Variants in EMC7 observed in about 807,000 individuals in gnomAD.
The protein encoded by EMC7 is ER membrane protein complex subunit 7.
EMC7 carries 4 observed loss-of-function variants against 24.4 expected under a neutral mutation model. The observed-to-expected ratio is 0.16, with a 90% CI of 0.08 to 0.38. The LOEUF is 0.38. Among genes scored for constraint, EMC7 ranks in the 10% least tolerant of loss-of-function variants. The pLI is 1.00. For missense variants in EMC7, 221 were observed against 300.6 expected, an observed-to-expected ratio of 0.74 and a Z score of 1.96; for synonymous variants, 106 against 112.0, an observed-to-expected ratio of 0.95 and a Z score of 0.34.
rs139357991 is a variant in EMC7 at position 34,099,256 on chromosome 15, A to T, written c.236+2348T>A. On this transcript the variant is annotated intron_variant, in intron 1 of 4. Coordinates refer to ENST00000256545, the MANE Select transcript of EMC7 (RefSeq NM_020154.3). ...AAACAAAACAGTAGAATGCCATTCT[A>T]TAAATGTTTGAAAATTTCTATAATA... is the stretch of plus-strand genomic sequence containing the variant. Among the ~76,000 whole-genome samples the T allele has an allele frequency of 9.2e-3, 1,404 of 152,356 alleles. 31 individuals are homozygous for T. The highest frequency in any genetic ancestry group is 0.03 in the South Asian group (144 of 4,832).
intron 2 of EMC7, among the ~76,000 whole-genome samples, chr15:34,090,877 G>A (rs1900965146): frequency 6.6e-6 from 1 of 152,190 alleles, no homozygotes; most frequent in Admixed American, 6.5e-5. Context: ...ATTATTGGAT[G>A]TAACCAATTT....
intron 1 of EMC7, among the ~76,000 whole-genome samples, chr15:34,098,535 A>T (rs1253861811): frequency 6.7e-6 from 1 of 148,678 alleles, no homozygotes; most frequent in Non-Finnish European, 1.5e-5. Context: ...TGCTCACTGC[A>T]ACCTCCGCCT....
intron 4 of EMC7, chr15:34,086,039 G>C: frequency 3.3e-6 from 1 of 302,554 alleles, no homozygotes. Flanking sequence ...GGTAACATTT[G>C]TTGCAGATCA....
chr15:34,092,261 T>TCACACACACACACACACA (rs375005510), intron 2 of EMC7, among the ~76,000 whole-genome samples: 7,556 of 141,456 alleles, frequency 0.053, 255 homozygotes, highest in East Asian at 0.1. Context: ...TGAGACTCCG[T>TCACACACACACACACACA]CACACACACA....
Position 34,096,028 on chromosome 15 carries a change from A to T in EMC7, c.237-14T>A. On this transcript the variant is annotated splice_polypyrimidine_tract_variant and intron_variant, in intron 1 of 4. Transcript: ENST00000256545. The stretch of plus-strand genomic sequence containing the variant: ...CTCCCATCTGTCCTGGAAAAATGAA[A>T]ATCATGTTTAGCTACTACTGATCAA... 6.5e-7 allele frequency: 1 copy of T among 1,541,674 alleles called. No homozygotes were observed. Among genetic ancestry groups the T allele is most frequent in the East Asian group, 2.3e-5 (1 of 43,642 alleles).
At chr15:34,097,901 G>C (rs1452686449) in intron 1 of EMC7, among the ~76,000 whole-genome samples, 2 of 151,432 alleles carry the variant, frequency 1.3e-5, no homozygotes, top group Non-Finnish European at 2.9e-5. Context: ...CCTGGGAGGC[G>C]GAAGTTGCAA....
At chr15:34,086,016 G>C (rs1900880490) in intron 4 of EMC7, 1 of 277,528 alleles carries the variant, frequency 3.6e-6, no homozygotes, top group South Asian at 4.1e-5. Flanking sequence ...AACACTGTGA[G>C]TAATCTCAGC....
chr15:34,094,859 C>A (rs1291677030), intron 2 of EMC7, among the ~76,000 whole-genome samples: 1 of 152,156 alleles, frequency 6.6e-6, no homozygotes, highest in Non-Finnish European at 1.5e-5. Context: ...AAGGATGGGA[C>A]AACTCCATGT....
At chr15:34,092,597 C>T (rs1378400345) in intron 2 of EMC7, among the ~76,000 whole-genome samples, 1 of 152,116 alleles carries the variant, frequency 6.6e-6, no homozygotes, top group Non-Finnish European at 1.5e-5. Context: ...TCACCTGCCT[C>T]GGCCTCCCAA....
intron 3 of EMC7, 26 bp downstream of exon 3, chr15:34,090,291 G>C (rs1412228079): frequency 6.3e-7 from 1 of 1,594,814 alleles, no homozygotes; most frequent in Non-Finnish European, 8.5e-7. Flanking sequence ...TATTAGTAAA[G>C]TGCTTTATTT....
intron 2 of EMC7, among the ~76,000 whole-genome samples, chr15:34,093,602 C>T (rs1012221412): frequency 1.3e-5 from 2 of 149,910 alleles, no homozygotes; most frequent in African/African-American, 2.5e-5. Flanking sequence ...GCTCTCATTC[C>T]GTCCAATATT....
chr15:34,090,740 T>C (rs760587955), intron 2 of EMC7, among the ~76,000 whole-genome samples: 2 of 152,236 alleles, frequency 1.3e-5, no homozygotes, highest in Admixed American at 6.5e-5. Context: ...CTAACTTCTA[T>C]TTATGTCAAA....
intron 3 of EMC7, among the ~76,000 whole-genome samples, chr15:34,089,911 G>A (rs1900952489): frequency 1.3e-5 from 2 of 152,070 alleles, no homozygotes; most frequent in African/African-American, 4.8e-5. Flanking sequence ...AGCCGAGATC[G>A]CACCATTGCA....
rs567791782 is a variant in EMC7, at chr15:34,084,827, T to C, written c.577-341A>G. On this transcript the variant is annotated intron_variant, in intron 4 of 4. Transcript: ENST00000256545. ...TTGTTACATACGTACGCATGTGCCA[T>C]GTTGGTGTGCTGCACCCATTAACTC... 1.8e-3 allele frequency among the ~76,000 whole-genome samples: 267 copies of C among 152,138 alleles called. 3 individuals carry two copies. Among genetic ancestry groups the C allele is most frequent in the Middle Eastern group, 0.014 (4 of 294 alleles).
chr15:34,084,616 C>T, intron 4 of EMC7, 130 bp from the exon 5 acceptor site: 1 of 917,450 alleles, frequency 1.1e-6, no homozygotes, highest in Non-Finnish European at 1.6e-6. Context: ...GATGCAACAT[C>T]ATACTCAGTA....
chr15:34,098,401 T>C (rs1173985459), intron 1 of EMC7, among the ~76,000 whole-genome samples: 2 of 152,118 alleles, frequency 1.3e-5, no homozygotes, highest in African/African-American at 4.8e-5. Context: ...ATTACTCTAA[T>C]TTGAGTGCAT....
intron 1 of EMC7, among the ~76,000 whole-genome samples, chr15:34,099,089 A>C (rs184880760): frequency 8.6e-5 from 12 of 139,314 alleles, no homozygotes; most frequent in African/African-American, 1.7e-4. Flanking sequence ...ATTTTGTTGA[A>C]TCAATAATGG....
Position 34,084,355 on chromosome 15 carries a change from A to C in EMC7, c.708T>G (p.Ser236Arg). The C allele has an allele frequency of 6.2e-7, 1 of 1,613,214 alleles. No individual in the cohort carries two copies. The highest frequency in any genetic ancestry group is 8.5e-7 in the Non-Finnish European group (1 of 1,179,410). ...SSSGSSKTGK[S>R]GAGKRR ...CTGACTACCTCCTTTTGCCAGCCCCACTTTTGCCTGTTTTACTGCTGCCGC... is the reference window on the plus strand; with the variant it reads ...CTGACTACCTCCTTTTGCCAGCCCCCCTTTTGCCTGTTTTACTGCTGCCGC... The change falls in exon 5 of 5, where the codon AGT becomes AGG. Residue 236 changes from serine to arginine, a missense_variant. Around this residue, in one of 2 missense-constraint regions of EMC7, gnomAD observed 65 missense variants for 123.4 expected, o/e 0.53. Transcript: ENST00000256545.
intron 3 of EMC7, among the ~76,000 whole-genome samples, chr15:34,089,475 G>A (rs1023812630): frequency 6.6e-6 from 1 of 152,150 alleles, no homozygotes; most frequent in African/African-American, 2.4e-5. Flanking sequence ...TTTAAAGAAT[G>A]CATGCTATTA....
Sources: allele counts gnomAD v4.1 joint callset (sites outside exome capture counted in the v4.1 genomes callset), GRCh38; gene constraint gnomAD v4.1.1; regional missense constraint gnomAD v4.1.1; transcripts MANE v1.5; gene names NCBI Gene and HGNC (gene_info 2026-07-23, HGNC 2026-07-21).